The following RIN2 variants were observed in gnomAD, a reference collection of about 807,000 sequenced individuals.
RIN2 encodes the protein Ras and Rab interactor 2.
RIN2 carries 36 observed loss-of-function variants against 78.0 expected under a neutral mutation model. The ratio of observed to expected loss-of-function variants is 0.46; its 90% CI spans 0.35 to 0.61. RIN2 has a LOEUF of 0.61. RIN2 is among the 20% of genes least tolerant of loss of function. The pLI is 0.00. For synonymous variants in RIN2, 466 were observed against 466.8 expected (o/e 1.00, Z 0.02); for missense variants, 1,087 against 1,159.7 (o/e 0.94, Z 0.91).
At position 19,975,452 on chromosome 20, in the gene RIN2, C is replaced by A; in HGVS notation, c.1427C>A (p.Pro476His). The change falls in exon 9 of 13, where the codon CCC becomes CAC. Residue 476 changes from proline (P) to histidine (H), a missense_variant. Physicochemically the swap from Pro to His is moderately conservative, Grantham distance 77. Transcript: ENST00000255006. The surrounding 1 kb of genome is among the most constrained non-coding windows in gnomAD (Gnocchi z 4.9). ...AGTGACCAAGAGACCATGGCGCCCC[C>A]CATCAAGTCCAAAAAGAAAAGGAGC... ...GESDQETMAP[P>H]IKSKKKRSSS... is the part of the protein sequence containing the mutation. 1.9e-6 allele frequency: 3 copies of A among 1,614,078 alleles called. No homozygotes were observed. Among genetic ancestry groups the A allele is most frequent in the Non-Finnish European group, 1.7e-6 (2 of 1,179,904 alleles).
chr20:19,896,104 C>T, intron 3 of RIN2, among the ~76,000 whole-genome samples: 1 of 152,086 alleles, frequency 6.6e-6, no homozygotes, highest in Non-Finnish European at 1.5e-5. Context: ...GTACTGTGGA[C>T]AGAGATTGCA....
chr20:19,855,177 T>C (rs1462514670), intron 2 of RIN2, among the ~76,000 whole-genome samples: 1 of 152,198 alleles, frequency 6.6e-6, no homozygotes, highest in African/African-American at 2.4e-5. Context: ...ATATGCTGAA[T>C]TACATTTATT....
chr20:19,810,224 C>T (rs1026390336), intron 2 of RIN2, among the ~76,000 whole-genome samples: 12 of 150,338 alleles, frequency 8.0e-5, no homozygotes, highest in African/African-American at 3.0e-4. Context: ...CATGGCAAAA[C>T]CCCGTCTCTA....
At chr20:19,854,362 G>T (rs2037095068) in intron 2 of RIN2, among the ~76,000 whole-genome samples, 1 of 152,230 alleles carries the variant, frequency 6.6e-6, no homozygotes, top group Non-Finnish European at 1.5e-5. Context: ...TGGCAATGCG[G>T]GCCCTTTTTT....
intron 4 of RIN2, among the ~76,000 whole-genome samples, chr20:19,941,802 A>G (rs1225075247): frequency 6.6e-6 from 1 of 152,176 alleles, no homozygotes; most frequent in Non-Finnish European, 1.5e-5. Flanking sequence ...CAATGTAGCA[A>G]CAACTAAACT....
chr20:19,883,180 G>A (rs1320752503), intron 2 of RIN2, among the ~76,000 whole-genome samples: 1 of 152,126 alleles, frequency 6.6e-6, no homozygotes, highest in Non-Finnish European at 1.5e-5. Context: ...CTGGGCCACC[G>A]GTGCAGGAGA....
At chr20:19,898,759 C>T (rs547302047) in intron 3 of RIN2, among the ~76,000 whole-genome samples, 1 of 152,328 alleles carries the variant, frequency 6.6e-6, no homozygotes, top group African/African-American at 2.4e-5. Flanking sequence ...AGACAATTAA[C>T]TAATCCATAG....
chr20:19,929,900 A>AGAGGG (rs1260326076), intron 3 of RIN2, among the ~76,000 whole-genome samples: 2 of 152,244 alleles, frequency 1.3e-5, no homozygotes, highest in Non-Finnish European at 2.9e-5. Context: ...TCCAACCGTC[A>AGAGGG]GAGGGGAGGA....
At position 19,884,694 on chromosome 20, in the gene RIN2, G is replaced by A. The variant is rs116389514; in HGVS notation, c.-36-4872G>A. On this transcript the variant is annotated intron_variant, in intron 2 of 12. Transcript: ENST00000255006. ...TCTGATCCTGGAATAACATTTGTCT[G>A]TCCAACGTGTAAAATATTGAGTAAT... Among the ~76,000 whole-genome samples the A allele has an allele frequency of 4.1e-3, 621 of 152,230 alleles. 2 individuals are homozygous for A. Among genetic ancestry groups the A allele is most frequent in the African/African-American group, 0.014 (580 of 41,538 alleles).
At chr20:19,829,054 TCAG>T (rs1395732702) in intron 2 of RIN2, among the ~76,000 whole-genome samples, 1 of 152,192 alleles carries the variant, frequency 6.6e-6, no homozygotes, top group African/African-American at 2.4e-5. Context: ...CCTGGGATCC[TCAG>T]CAGAGAATAA....
intron 2 of RIN2, among the ~76,000 whole-genome samples, chr20:19,800,717 C>T (rs1011796167): frequency 6.6e-6 from 1 of 152,252 alleles, no homozygotes; most frequent in African/African-American, 2.4e-5. Flanking sequence ...CCCTGCTAAA[C>T]CATCCCTGCT....
At chr20:19,845,307 AC>A (rs199516192) in intron 2 of RIN2, among the ~76,000 whole-genome samples, 8,215 of 152,288 alleles carry the variant, frequency 0.054, 286 homozygotes, top group South Asian at 0.17. Context: ...AGGAATTGCC[AC>A]ATTGTCTTCC....
In RIN2 at chr20:19,773,910, T is replaced by TTA. The variant is rs200150313; in HGVS notation, c.-163+15594_-163+15595dup. 3.3e-4 allele frequency among the ~76,000 whole-genome samples: 49 copies of TTA among 148,496 alleles called. 1 individual carries two copies. The South Asian group carries it at 4.4e-3, about 13-fold the overall frequency. ...ACTAGATGATAAATATTATAAAATA[T>TTA]TATATATATATAATAAAGATAAAGG... On this transcript the variant is annotated intron_variant, in intron 1 of 12. Transcript: ENST00000255006.
chr20:19,767,503 G>C (rs1024495843), intron 1 of RIN2, among the ~76,000 whole-genome samples: 1 of 152,174 alleles, frequency 6.6e-6, no homozygotes, highest in Non-Finnish European at 1.5e-5. Context: ...TCTCTGGCTA[G>C]CCTCAGGGAG....
At chr20:19,973,744 G>T (rs895079918) in intron 8 of RIN2, among the ~76,000 whole-genome samples, 3 of 151,918 alleles carry the variant, frequency 2.0e-5, no homozygotes, top group African/African-American at 7.3e-5. Flanking sequence ...AGCCAAGATC[G>T]TGCCACTGCA....
chr20:19,884,560 C>T (rs1234987009), intron 2 of RIN2, among the ~76,000 whole-genome samples: 2 of 152,126 alleles, frequency 1.3e-5, no homozygotes. Context: ...GACCTTCAAA[C>T]TTAAAATTTT....
At chr20:19,841,489 CAG>C (rs2123085585) in intron 2 of RIN2, among the ~76,000 whole-genome samples, 1 of 152,218 alleles carries the variant, frequency 6.6e-6, no homozygotes, top group Admixed American at 6.5e-5. Context: ...ACCATAAAGG[CAG>C]AGTCTCCTCT....
chr20:19,906,465 A>G (rs948888430), intron 3 of RIN2, among the ~76,000 whole-genome samples: 2 of 152,206 alleles, frequency 1.3e-5, no homozygotes, highest in Non-Finnish European at 2.9e-5. Context: ...AGAAAAAAAT[A>G]GCAGGAATGA....
chr20:19,913,958 T>C (rs2039579510), intron 3 of RIN2, among the ~76,000 whole-genome samples: 1 of 152,216 alleles, frequency 6.6e-6, no homozygotes, highest in Non-Finnish European at 1.5e-5. Context: ...TTAAAACCTA[T>C]GTGATTAAGG....
Sources: gnomAD v4.1 joint callset for allele counts (sites outside exome capture counted in the v4.1 genomes callset) on GRCh38, gnomAD v4.1.1 for gene constraint, Gnocchi (gnomAD v3.1) non-coding constraint, MANE v1.5 for transcripts, NCBI Gene and HGNC (gene_info 2026-07-23, HGNC 2026-07-21) for gene names.